The following CS variants were observed in gnomAD, a reference collection of about 807,000 sequenced individuals.
CS encodes citrate synthase, mitochondrial.
Under a neutral mutation model 61.4 loss-of-function variants are expected in CS, and 13 were observed. The observed-to-expected ratio is 0.21, with a 90% CI of 0.14 to 0.34. CS has a LOEUF of 0.34. Among genes scored for constraint, CS ranks in the 10% least tolerant of loss-of-function variants. CS has a pLI of 1.00. For synonymous variants in CS, 159 were observed against 215.2 expected (o/e 0.74, Z 2.29); for missense variants, 278 against 573.4 (o/e 0.48, Z 5.26).
intron 6 of CS, among the ~76,000 whole-genome samples, chr12:56,281,403 G>A (rs1237953882): frequency 1.3e-5 from 2 of 152,174 alleles, no homozygotes; most frequent in Non-Finnish European, 2.9e-5. Context: ...AAGCTCATTT[G>A]TTTCTGGATC....
chr12:56,292,669 T>A (rs1390086595), intron 1 of CS, among the ~76,000 whole-genome samples: 2 of 145,346 alleles, frequency 1.4e-5, no homozygotes, highest in Non-Finnish European at 3.0e-5. Context: ...CGGATCATGA[T>A]GTCAGGAGAT....
At chr12:56,277,232 G>A (rs1382971371) in intron 6 of CS, among the ~76,000 whole-genome samples, 1 of 148,738 alleles carries the variant, frequency 6.7e-6, no homozygotes, top group Non-Finnish European at 1.5e-5. Flanking sequence ...GGGCACAGTG[G>A]CTCATGCCTG....
rs1213990165 is a variant in CS at position 56,272,849 on chromosome 12, C to G, written c.*235G>C. Reference sequence around the variant, plus strand: ...CACATGCATTAGTCCTGGTCATCCTCCAGGACCATGCGTATGATGGGCAAC... The same window carrying G: ...CACATGCATTAGTCCTGGTCATCCTGCAGGACCATGCGTATGATGGGCAAC... On this transcript the variant is annotated 3_prime_UTR_variant, in exon 11 of 11. Coordinates refer to ENST00000351328, the MANE Select transcript of CS (RefSeq NM_004077.3). 22 of 457,304 alleles carry G rather than the reference C, an allele frequency of 4.8e-5. No individual in the cohort carries two copies. Among genetic ancestry groups the G allele is most frequent in the Non-Finnish European group, 8.3e-5 (21 of 252,558 alleles). The allele number at this position is 457,304 out of a possible 1,614,324, so 28.3% of individuals were successfully genotyped here. A position where few individuals can be genotyped will look rare whatever the true frequency, so the allele number is the denominator to read the frequency against.
At chr12:56,287,236 T>G (rs1432219607) in intron 1 of CS, among the ~76,000 whole-genome samples, 1 of 152,098 alleles carries the variant, frequency 6.6e-6, no homozygotes, top group Non-Finnish European at 1.5e-5. Context: ...ATCCCAGCAC[T>G]TTGGGAAGCT....
intron 1 of CS, among the ~76,000 whole-genome samples, chr12:56,295,978 AAAAG>A (rs1873293222): frequency 6.6e-6 from 1 of 150,834 alleles, no homozygotes; most frequent in Admixed American, 6.6e-5. Context: ...AAAAAAAAAA[AAAAG>A]AAGTTCTTAC....
At chr12:56,283,477 G>A (rs144487456) in intron 4 of CS, among the ~76,000 whole-genome samples, 6,950 of 152,014 alleles carry the variant, frequency 0.046, 223 homozygotes, top group Non-Finnish European at 0.068. Context: ...CCTCCTGACC[G>A]CATGATCTGC....
In CS at chr12:56,300,321, C is replaced by A. The variant is rs1403920136; in HGVS notation, c.-120G>T. ...ACGGGTTGACAAGGTTGAAAGGAGG[C>A]GGCTGAAGGAAAGAGTAGACGAACC... is the stretch of plus-strand genomic sequence containing the variant. On this transcript the variant is annotated 5_prime_UTR_variant, in exon 1 of 11. Coordinates refer to ENST00000351328, the MANE Select transcript of CS (RefSeq NM_004077.3). 4 of 1,128,018 alleles carry A rather than the reference C, an allele frequency of 3.5e-6. No homozygotes were observed. Among genetic ancestry groups the A allele is most frequent in the East Asian group, 3.0e-5 (1 of 33,396 alleles). 69.9% of individuals were successfully genotyped at this position (1,128,018 alleles called of 1,614,324 possible). A position where few individuals can be genotyped will look rare whatever the true frequency, so the allele number is the denominator to read the frequency against.
At chr12:56,291,289 A>G in intron 1 of CS, 1 of 1,048,590 alleles carries the variant, frequency 9.5e-7, no homozygotes, top group Non-Finnish European at 1.2e-6. Context: ...GCAGAGGTGA[A>G]TGGATAATTC....
At chr12:56,286,704 AAGAAGGAATTAC>A in intron 1 of CS, 59 bp from the exon 2 acceptor site, 4 of 1,449,644 alleles carry the variant, frequency 2.8e-6, no homozygotes, top group Non-Finnish European at 3.9e-6. Context: ...TTATATTAAC[AAGAAGGAATTAC>A]AGTGACTCAA....
At chr12:56,299,387 C>T (rs544503340) in intron 1 of CS, among the ~76,000 whole-genome samples, 3 of 152,174 alleles carry the variant, frequency 2.0e-5, no homozygotes, top group Middle Eastern at 3.2e-3. Context: ...TTAAGATCAA[C>T]GGCATAACCT....
intron 1 of CS, among the ~76,000 whole-genome samples, chr12:56,298,137 T>C (rs940196221): frequency 6.6e-6 from 1 of 152,152 alleles, no homozygotes; most frequent in African/African-American, 2.4e-5. Context: ...TAGCTATGAT[T>C]ACAGGCATGT....
At chr12:56,278,568 C>T (rs983961510) in intron 6 of CS, among the ~76,000 whole-genome samples, 1 of 151,924 alleles carries the variant, frequency 6.6e-6, no homozygotes, top group Non-Finnish European at 1.5e-5. Context: ...AAAACCCCAT[C>T]TCTACTAAAA....
rs576069651 is a variant in CS at position 56,283,167 on chromosome 12, C to T, written c.268-176G>A. ...GACTGGTCCCGATCTTCTGGCCTCACGCAATGCTCCACCTTGGCCTCCAAA... is the reference window on the plus strand; with the variant it reads ...GACTGGTCCCGATCTTCTGGCCTCATGCAATGCTCCACCTTGGCCTCCAAA... On this transcript the variant is annotated intron_variant, in intron 4 of 10. Coordinates refer to ENST00000351328, the MANE Select transcript of CS (RefSeq NM_004077.3). Among the ~76,000 whole-genome samples the T allele has an allele frequency of 1.4e-3, 215 of 152,298 alleles. 1 individual carries two copies. The highest frequency in any genetic ancestry group is 2.7e-3 in the Non-Finnish European group (183 of 68,018).
At position 56,274,882 on chromosome 12, in the gene CS, T is replaced by C. The variant is rs1565618932; in HGVS notation, c.919-4A>G. 2 of 1,604,440 alleles carry C rather than the reference T, an allele frequency of 1.2e-6. No individual in the cohort carries two copies. The highest frequency in any genetic ancestry group is 8.5e-7 in the Non-Finnish European group (1 of 1,176,046). On this transcript the variant is annotated splice_polypyrimidine_tract_variant and splice_region_variant and intron_variant, in intron 8 of 10. Coordinates refer to ENST00000351328, the MANE Select transcript of CS (RefSeq NM_004077.3). ...GTGTTAGCCAGACAAGCACTTCCTA[T>C]GGGTAAGGTTTGGGGAAAAAGGGAA...
intron 6 of CS, among the ~76,000 whole-genome samples, chr12:56,277,630 CTTTTTTTT>C (rs1303018748): frequency 7.4e-6 from 1 of 135,460 alleles, no homozygotes; most frequent in East Asian, 2.1e-4. Flanking sequence ...GACTTCCATT[CTTTTTTTT>C]TTTTTTTTTT....
chr12:56,284,533 C>G (rs965885875), intron 3 of CS, among the ~76,000 whole-genome samples: 3 of 151,500 alleles, frequency 2.0e-5, no homozygotes, highest in Non-Finnish European at 4.4e-5. Context: ...ACTTCAGCCT[C>G]CTGAGTAGCT....
Position 56,274,784 on chromosome 12 carries a change from G to A in CS, c.1013C>T (p.Ser338Leu). 2 of 1,594,990 alleles carry A rather than the reference G, an allele frequency of 1.3e-6. No individual in the cohort carries two copies. Among genetic ancestry groups the A allele is most frequent in the Non-Finnish European group, 1.7e-6 (2 of 1,171,746 alleles). Residue 338 changes from serine to leucine, a missense_variant, in exon 9 of 11, where the codon TCA (serine) becomes TTA (leucine). This residue lies in a region of CS where 223 missense variants were observed against 503.5 expected (regional missense o/e 0.44). Coordinates refer to ENST00000351328, the MANE Select transcript of CS (RefSeq NM_004077.3). ...TTAAGCATCTCTGCTTACCCGTCCT[G>A]AGTTGAGTGTGTTCCAGATGTAGTC... ...LRDYIWNTLN[S>L]GRVVPGYGHA...
intron 2 of CS, chr12:56,286,384 G>A (rs560256301): frequency 3.6e-6 from 2 of 548,732 alleles, no homozygotes; most frequent in South Asian, 5.3e-5. Flanking sequence ...TTAGGCAAAT[G>A]TATTGATATT....
intron 9 of CS, chr12:56,274,499 C>G: frequency 3.5e-6 from 1 of 289,342 alleles, no homozygotes; most frequent in Non-Finnish European, 6.4e-6. Context: ...GTTGTCCTGG[C>G]TGGAGTGTAG....
Sources: allele counts gnomAD v4.1 joint callset (sites outside exome capture counted in the v4.1 genomes callset), GRCh38; gene constraint gnomAD v4.1.1; regional missense constraint gnomAD v4.1.1; transcripts MANE v1.5; gene names NCBI Gene and HGNC (gene_info 2026-07-23, HGNC 2026-07-21).